Variants in LY75 observed in about 807,000 individuals in gnomAD.
LY75 encodes lymphocyte antigen 75.
A neutral mutation model predicts 231.7 loss-of-function variants in LY75; 185 were observed. The ratio of observed to expected loss-of-function variants is 0.80; its 90% confidence interval spans 0.71 to 0.90. The LOEUF is 0.90. Among genes scored for constraint, LY75 ranks in the 40% least tolerant of loss-of-function variants. The pLI is 0.00. For missense variants in LY75, 1,947 were observed against 2,050.2 expected (o/e 0.95, Z 0.97); for synonymous variants, 668 against 689.0 (o/e 0.97, Z 0.48).
At chr2:159,839,381 T>C (rs1683933613) in intron 25 of LY75, among the ~76,000 whole-genome samples, 1 of 152,188 alleles carries the variant, frequency 6.6e-6, no homozygotes, top group South Asian at 2.1e-4. Context: ...ACTTCAGCTG[T>C]GTAATGATTC....
Position 159,850,791 on chromosome 2 carries a change from T to TATATATATATATATAAATAA in LY75, c.2884-325_2884-324insTTATTTATATATATATATAT, listed in dbSNP as rs1341394980. 7.7e-4 allele frequency among the ~76,000 whole-genome samples: 73 copies of TATATATATATATATAAATAA among 94,478 alleles called. 1 individual carries two copies. Among genetic ancestry groups the TATATATATATATATAAATAA allele is most frequent in the African/African-American group, 2.7e-3 (68 of 25,146 alleles). 62.0% of individuals were successfully genotyped at this position (94,478 alleles called of 152,430 possible). ...AAACTTTCATATATATATATATATA[T>TATATATATATATATAAATAA]ATATATATTATATCTTATATATAAG... On this transcript the variant is annotated intron_variant, in intron 21 of 34. Coordinates refer to ENST00000263636, the MANE Select transcript of LY75 (RefSeq NM_002349.4).
chr2:159,818,536 G>A (rs1468682433), intron 29 of LY75, among the ~76,000 whole-genome samples: 2 of 152,198 alleles, frequency 1.3e-5, no homozygotes, highest in African/African-American at 2.4e-5. Flanking sequence ...GCTTAAGGAG[G>A]CAGGAGAACT....
In LY75 at chr2:159,860,821, C is replaced by T. The variant is rs1287891750; in HGVS notation, c.2268G>A (p.Lys756=). The stretch of plus-strand genomic sequence containing the variant: ...GCAGATTTTCCAGCATTGTACTGAC[C>T]TTGACAGCAGCACAGTCTCTGATGT... ...DYDIRDCAAV[K]VFHRPWRRGW... The change falls in exon 15 of 35, where the codon AAG becomes AAA. Residue 756 remains lysine (K), a splice_region_variant and synonymous_variant. Transcript: ENST00000263636. The T allele has an allele frequency of 2.2e-5, 36 of 1,613,866 alleles. No homozygotes were observed. Among genetic ancestry groups the T allele is most frequent in the Non-Finnish European group, 3.1e-5 (36 of 1,179,848 alleles).
At chr2:159,830,779 A>G (rs985406849) in intron 28 of LY75, among the ~76,000 whole-genome samples, 3 of 152,124 alleles carry the variant, frequency 2.0e-5, no homozygotes, top group Non-Finnish European at 4.4e-5. Context: ...ACAGGGTTTC[A>G]CCATGTTGGC....
At chr2:159,808,839 C>T (rs1412150414) in intron 32 of LY75, among the ~76,000 whole-genome samples, 1 of 152,106 alleles carries the variant, frequency 6.6e-6, no homozygotes, top group Non-Finnish European at 1.5e-5. Flanking sequence ...ACTGCCTACC[C>T]CTGAGACCTC....
intron 2 of LY75, among the ~76,000 whole-genome samples, chr2:159,895,909 C>T (rs1003333701): frequency 5.3e-5 from 8 of 152,232 alleles, no homozygotes; most frequent in African/African-American, 1.9e-4. Context: ...GCCTCTTACA[C>T]ACCATGGGCT....
rs565206974 is a variant in LY75 at position 159,832,567 on chromosome 2, T to A, written c.3842-781A>T. 2.0e-5 allele frequency among the ~76,000 whole-genome samples: 3 copies of A among 152,302 alleles called. No individual in the cohort carries two copies. The East Asian group carries it at 5.8e-4, about 29-fold the overall frequency. ...AAGGCTTAATATTTCCCAAAGGGTGTTCCTCACAAAATTAACAAGGAAGTT... is the reference window on the plus strand; with the variant it reads ...AAGGCTTAATATTTCCCAAAGGGTGATCCTCACAAAATTAACAAGGAAGTT... On this transcript the variant is annotated intron_variant, in intron 27 of 34. Transcript: ENST00000263636.
chr2:159,806,713 C>T (rs1400061737), intron 34 of LY75, among the ~76,000 whole-genome samples: 2 of 152,118 alleles, frequency 1.3e-5, no homozygotes, highest in Non-Finnish European at 2.9e-5. Context: ...AATTACTTCC[C>T]TAATACCCTG....
At chr2:159,896,899 A>G (rs931122581) in intron 2 of LY75, among the ~76,000 whole-genome samples, 4 of 152,074 alleles carry the variant, frequency 2.6e-5, no homozygotes, top group Non-Finnish European at 5.9e-5. Context: ...TCACAACTAT[A>G]TATGCTTTAA....
Position 159,872,297 on chromosome 2 carries a change from T to TA in LY75, c.2117+153dup, listed in dbSNP as rs1398803545. The TA allele has an allele frequency of 1.1e-5, 10 of 911,262 alleles. No individual in the cohort carries two copies. The African/African-American group carries it at 1.5e-4, about 14-fold the overall frequency. 56.4% of individuals were successfully genotyped at this position (911,262 alleles called of 1,614,324 possible). ...ATAGTGTCTGCACATTAAGAGTGCT[T>TA]AATGTTCCATGACTGCTAAGCACCA... On this transcript the variant is annotated intron_variant, in intron 13 of 34. Coordinates refer to ENST00000263636, the MANE Select transcript of LY75 (RefSeq NM_002349.4).
At chr2:159,807,733 C>G in intron 33 of LY75, 1 of 945,842 alleles carries the variant, frequency 1.1e-6, no homozygotes, top group Non-Finnish European at 1.3e-6. Context: ...TTTTAAAATT[C>G]ACATTTTAAT....
At chr2:159,826,180 A>G (rs1683461623) in intron 28 of LY75, among the ~76,000 whole-genome samples, 1 of 152,218 alleles carries the variant, frequency 6.6e-6, no homozygotes, top group Admixed American at 6.5e-5. Flanking sequence ...CTGTTTGCAG[A>G]TGACATGATT....
intron 28 of LY75, among the ~76,000 whole-genome samples, chr2:159,828,323 T>G (rs2729701): frequency 6.6e-6 from 1 of 151,038 alleles, no homozygotes; most frequent in Non-Finnish European, 1.5e-5. Flanking sequence ...ATAAAAAGAC[T>G]CAATTTAAAA....
intron 28 of LY75, among the ~76,000 whole-genome samples, chr2:159,822,343 C>G (rs1683323553): frequency 6.6e-6 from 1 of 152,182 alleles, no homozygotes. Context: ...GACGCTAGAG[C>G]TTGGTCGGGG....
chr2:159,819,587 T>C (rs1039003369), intron 29 of LY75, 139 bp downstream of exon 29: 8 of 1,056,488 alleles, frequency 7.6e-6, no homozygotes, highest in Non-Finnish European at 1.0e-5. Flanking sequence ...ATCTTTTCCT[T>C]CCTCGATAAC....
chr2:159,850,791 T>TATATATATAAATAA (rs1341394980), intron 21 of LY75, among the ~76,000 whole-genome samples: 10 of 94,474 alleles, frequency 1.1e-4, no homozygotes, highest in African/African-American at 4.0e-4. Context: ...TATATATATA[T>TATATATATAAATAA]ATATATATTA....
rs1560056933 is a variant in LY75 at position 159,803,628 on chromosome 2, A to ACTC, written c.*1415_*1416insGAG. ...ATAAATCTATGGATTTTATACAAAA[A>ACTC]TAAAGTACAAATGTAAGTTAAATGC... On this transcript the variant is annotated 3_prime_UTR_variant, in exon 35 of 35. Transcript: ENST00000263636. The ACTC allele has an allele frequency of 1.8e-4, 28 of 152,058 alleles. No homozygotes were observed. Among genetic ancestry groups the ACTC allele is most frequent in the South Asian group, 1.0e-3 (5 of 4,828 alleles). The allele number at this position is 152,058 out of a possible 1,614,324, so 9.4% of individuals were successfully genotyped here.
At chr2:159,873,692 A>AAT (rs936830918) in intron 12 of LY75, among the ~76,000 whole-genome samples, 9 of 150,294 alleles carry the variant, frequency 6.0e-5, no homozygotes, top group African/African-American at 2.2e-4. Context: ...ATGCAGACCA[A>AAT]ATATATATAT....
intron 28 of LY75, 71 bp downstream of exon 28, chr2:159,831,599 C>T (rs527905748): frequency 7.9e-6 from 12 of 1,518,302 alleles, no homozygotes; most frequent in East Asian, 6.8e-5. Context: ...CTTTGAAGAA[C>T]TATGGCTTGA....
Sources: allele counts gnomAD v4.1 joint callset (sites outside exome capture counted in the v4.1 genomes callset), GRCh38; gene constraint gnomAD v4.1.1; transcripts MANE v1.5; gene names NCBI Gene and HGNC (gene_info 2026-07-23, HGNC 2026-07-21).